Variants in SLAMF1 observed in about 807,000 individuals in gnomAD.
The protein encoded by SLAMF1 is signaling lymphocytic activation molecule.
In SLAMF1, 18 loss-of-function variants were observed where a neutral mutation model predicts 35.1. That is an observed-to-expected ratio of 0.51 (90% CI 0.35 to 0.76). The LOEUF (loss-of-function observed/expected upper bound fraction) is 0.76, where lower values mean the gene tolerates loss of function less well. Ranked by LOEUF, SLAMF1 falls within the 30% of genes least tolerant of loss-of-function variation. The pLI is 0.01. For synonymous variants in SLAMF1, 168 were observed against 157.2 expected (o/e 1.07, Z -0.51); for missense variants, 392 against 413.0 (o/e 0.95, Z 0.44).
chr1:160,612,816 C>A (rs893191396), intron 5 of SLAMF1, among the ~76,000 whole-genome samples: 1 of 152,192 alleles, frequency 6.6e-6, no homozygotes, highest in Admixed American at 6.5e-5. Context: ...CCCAAGGCAG[C>A]CTCATCCATT....
At chr1:160,623,087 C>A in intron 4 of SLAMF1, among the ~76,000 whole-genome samples, 1 of 152,054 alleles carries the variant, frequency 6.6e-6, no homozygotes, top group East Asian at 1.9e-4. Flanking sequence ...TCCCTTAGAG[C>A]ACAACCATGT....
chr1:160,644,602 T>A (rs1660931467), intron 1 of SLAMF1, among the ~76,000 whole-genome samples: 2 of 152,204 alleles, frequency 1.3e-5, no homozygotes, highest in East Asian at 3.8e-4. Flanking sequence ...CCTTGCACCC[T>A]TGCACAGTGG....
intron 3 of SLAMF1, 42 bp downstream of exon 3, chr1:160,634,571 T>G: frequency 1.3e-6 from 2 of 1,544,270 alleles, no homozygotes; most frequent in Non-Finnish European, 1.8e-6. Context: ...ACTGAGCCCA[T>G]GCTCATTAAG....
chr1:160,636,595 A>G (rs1198269086), intron 2 of SLAMF1, among the ~76,000 whole-genome samples: 2 of 152,256 alleles, frequency 1.3e-5, no homozygotes, highest in East Asian at 3.8e-4. Context: ...AAGTACAGCA[A>G]CTAAAAGACT....
intron 3 of SLAMF1, among the ~76,000 whole-genome samples, chr1:160,632,006 C>A (rs1303887715): frequency 6.6e-6 from 1 of 151,876 alleles, no homozygotes; most frequent in African/African-American, 2.4e-5. Flanking sequence ...AGAAGACAGC[C>A]ATTTACAAGC....
intron 3 of SLAMF1, among the ~76,000 whole-genome samples, chr1:160,632,080 C>G (rs571506361): frequency 2.6e-5 from 4 of 152,106 alleles, no homozygotes; most frequent in Non-Finnish European, 5.9e-5. Context: ...ATCCTGCTGA[C>G]ACCTTGACTT....
intron 3 of SLAMF1, among the ~76,000 whole-genome samples, chr1:160,632,617 A>T (rs1039696637): frequency 1.3e-5 from 2 of 152,184 alleles, no homozygotes; most frequent in African/African-American, 4.8e-5. Context: ...ATTGAGGAGC[A>T]TGAAGAAAGT....
At chr1:160,630,270 C>T (rs1433106465) in intron 3 of SLAMF1, among the ~76,000 whole-genome samples, 1 of 152,118 alleles carries the variant, frequency 6.6e-6, no homozygotes, top group Non-Finnish European at 1.5e-5. Context: ...AATAAAGATG[C>T]TTCATTATGA....
At chr1:160,616,166 T>C (rs1002559106) in intron 5 of SLAMF1, among the ~76,000 whole-genome samples, 6 of 152,180 alleles carry the variant, frequency 3.9e-5, no homozygotes, top group African/African-American at 1.2e-4. Context: ...GTCTGAATTT[T>C]TAACAGGAGA....
chr1:160,638,432 G>T (rs1660566125), intron 1 of SLAMF1, among the ~76,000 whole-genome samples: 2 of 151,992 alleles, frequency 1.3e-5, no homozygotes, highest in South Asian at 4.1e-4. Context: ...CTACTTCAAG[G>T]CTTTGTTTCG....
Position 160,642,134 on chromosome 1 carries a change from A to G in SLAMF1, c.77-4605T>C, listed in dbSNP as rs111455743. Among the ~76,000 whole-genome samples, 277 of 152,302 alleles carry G rather than the reference A, an allele frequency of 1.8e-3. 4 individuals are homozygous for G. The highest frequency in any genetic ancestry group is 6.4e-3 in the African/African-American group (266 of 41,564). On this transcript the variant is annotated intron_variant, in intron 1 of 6. Coordinates refer to ENST00000302035, the MANE Select transcript of SLAMF1 (RefSeq NM_003037.5). This position sits in a 1 kb window ranked among gnomAD's most constrained non-coding sequence, Gnocchi z 4.2. The stretch of plus-strand genomic sequence containing the variant: ...AAGGAACAGAACTTACAGACCCCAC[A>G]GTTCTTTTGGTAAATTTAGGCTCAG...
At chr1:160,621,855 C>CGT (rs59676823) in intron 4 of SLAMF1, among the ~76,000 whole-genome samples, 13,125 of 145,184 alleles carry the variant, frequency 0.09, 1,099 homozygotes, top group African/African-American at 0.23. Flanking sequence ...TGCGTGAGTG[C>CGT]GTGTGTGTGT....
intron 5 of SLAMF1, among the ~76,000 whole-genome samples, chr1:160,616,249 G>GTT (rs1194829508): frequency 2.6e-5 from 4 of 152,096 alleles, no homozygotes; most frequent in Non-Finnish European, 5.9e-5. Flanking sequence ...TCTGAGGCTT[G>GTT]TGATTAAAGA....
At chr1:160,615,983 A>T (rs1276390291) in intron 5 of SLAMF1, among the ~76,000 whole-genome samples, 1 of 152,188 alleles carries the variant, frequency 6.6e-6, no homozygotes, top group Non-Finnish European at 1.5e-5. Context: ...TGACCTCCAG[A>T]ACTGTTAGAG....
rs772392065 is a variant in SLAMF1, at chr1:160,634,582, G to T, written c.700+31C>A. On this transcript the variant is annotated intron_variant, in intron 3 of 6. Transcript: ENST00000302035. Reference sequence around the variant, plus strand: ...GAAGACTGAGCCCATGCTCATTAAGGTGGCACACAGGCTGCCACCAGTGTA... The same window carrying T: ...GAAGACTGAGCCCATGCTCATTAAGTTGGCACACAGGCTGCCACCAGTGTA... 11 of 1,563,862 alleles carry T rather than the reference G, an allele frequency of 7.0e-6. No homozygotes were observed. The African/African-American group carries it at 1.5e-4, about 21-fold the overall frequency.
chr1:160,610,742 C>G lies in SLAMF1; in HGVS notation c.*6G>C, dbSNP rs1463566876. ...CTTCAGAAAGTCCCTTTGTTGGTCT[C>G]TGGTGTCAGCTCTCTGGAAGTGTCA... On this transcript the variant is annotated 3_prime_UTR_variant, in exon 7 of 7. Coordinates refer to ENST00000302035, the MANE Select transcript of SLAMF1 (RefSeq NM_003037.5). The G allele has an allele frequency of 5.0e-6, 8 of 1,609,514 alleles. No individual in the cohort carries two copies. The highest frequency in any genetic ancestry group is 6.8e-6 in the Non-Finnish European group (8 of 1,175,920).
At chr1:160,623,477 TTA>T in intron 4 of SLAMF1, 1 of 398,548 alleles carries the variant, frequency 2.5e-6, no homozygotes, top group Non-Finnish European at 4.4e-6. Context: ...CAGCTCAGTG[TTA>T]TGAGGATCAA....
Position 160,610,514 on chromosome 1 carries a change from A to T in SLAMF1, c.*234T>A. 1.8e-6 allele frequency: 1 copy of T among 567,454 alleles called. No homozygotes were observed. The highest frequency in any genetic ancestry group is 3.2e-6 in the Non-Finnish European group (1 of 308,428). 35.2% of individuals were successfully genotyped at this position (567,454 alleles called of 1,614,324 possible). ...CAAAGATGGAACGCTGTTATCAAGTAACGCTCTGTTCTGCGCCTGCAGCCA... is the reference window on the plus strand; with the variant it reads ...CAAAGATGGAACGCTGTTATCAAGTTACGCTCTGTTCTGCGCCTGCAGCCA... On this transcript the variant is annotated 3_prime_UTR_variant, in exon 7 of 7. Transcript: ENST00000302035.
intron 3 of SLAMF1, among the ~76,000 whole-genome samples, chr1:160,631,807 C>T (rs1660180190): frequency 6.6e-6 from 1 of 152,176 alleles, no homozygotes; most frequent in African/African-American, 2.4e-5. Context: ...CCTCAAACTT[C>T]TAGCCTCCAG....
Sources: allele counts gnomAD v4.1 joint callset (sites outside exome capture counted in the v4.1 genomes callset), GRCh38; gene constraint gnomAD v4.1.1; non-coding constraint Gnocchi (gnomAD v3.1); transcripts MANE v1.5; gene names NCBI Gene and HGNC (gene_info 2026-07-23, HGNC 2026-07-21).